Variants in MLLT10 observed in about 807,000 individuals in gnomAD.
The protein encoded by MLLT10 is MLLT10 histone lysine methyltransferase DOT1L cofactor.
A neutral mutation model predicts 129.1 loss-of-function variants in MLLT10; 30 were observed. The observed-to-expected ratio is 0.23, with a 90% CI of 0.17 to 0.32. The LOEUF is 0.32. Ranked by LOEUF, MLLT10 falls within the 10% of genes least tolerant of loss-of-function variation. The pLI is 1.00. For synonymous variants in MLLT10, 490 were observed against 446.4 expected (o/e 1.10, Z -1.23); for missense variants, 1,119 against 1,268.3 (o/e 0.88, Z 1.79).
rs1460039816 is a variant in MLLT10 at position 21,717,200 on chromosome 10, C to T, written c.1878+3250C>T. On this transcript the variant is annotated intron_variant, in intron 14 of 22. Transcript: ENST00000307729. ...CCTGGGAGGCAGAGGTTGCGGTGAGCCAAGATCACGCCATTGCGCTCCAGC... is the reference window on the plus strand; with the variant it reads ...CCTGGGAGGCAGAGGTTGCGGTGAGTCAAGATCACGCCATTGCGCTCCAGC... Among the ~76,000 whole-genome samples the T allele has an allele frequency of 6.2e-5, 8 of 128,726 alleles. No individual in the cohort carries two copies. The South Asian group carries it at 1.3e-3, about 20-fold the overall frequency. 84.4% of individuals were successfully genotyped at this position (128,726 alleles called of 152,430 possible).
intron 3 of MLLT10, among the ~76,000 whole-genome samples, chr10:21,562,325 G>GT (rs923493920): frequency 2.1e-5 from 3 of 146,006 alleles, no homozygotes; most frequent in Admixed American, 6.8e-5. Context: ...TTTTATTTTT[G>GT]TTTTTTTATT....
intron 7 of MLLT10, among the ~76,000 whole-genome samples, chr10:21,616,702 AG>A (rs2045298510): frequency 6.6e-6 from 1 of 152,088 alleles, no homozygotes; most frequent in South Asian, 2.1e-4. Context: ...TAAGATTAAA[AG>A]TCTTTTTGCT....
chr10:21,736,104 AAAT>A (rs1208644136), intron 21 of MLLT10, among the ~76,000 whole-genome samples: 2 of 152,140 alleles, frequency 1.3e-5, no homozygotes, highest in African/African-American at 4.8e-5. Context: ...CAGAATAGTG[AAAT>A]AATGATTTAC....
At chr10:21,726,885 T>G (rs903168617) in intron 15 of MLLT10, among the ~76,000 whole-genome samples, 1 of 152,130 alleles carries the variant, frequency 6.6e-6, no homozygotes, top group East Asian at 1.9e-4. Context: ...GAAATTGTAT[T>G]ACACAAACTT....
At chr10:21,711,686 A>G (rs548746267) in intron 13 of MLLT10, among the ~76,000 whole-genome samples, 1 of 152,112 alleles carries the variant, frequency 6.6e-6, no homozygotes, top group African/African-American at 2.4e-5. Flanking sequence ...TCAAGGCTGC[A>G]GTGAGCTATG....
intron 5 of MLLT10, among the ~76,000 whole-genome samples, chr10:21,608,599 G>A (rs2044292702): frequency 1.3e-5 from 2 of 151,872 alleles, no homozygotes; most frequent in Admixed American, 6.6e-5. Context: ...ATTTTCAAAT[G>A]TAGTTTCTAT....
intron 14 of MLLT10, among the ~76,000 whole-genome samples, chr10:21,714,421 A>G (rs1198792875): frequency 6.6e-6 from 1 of 152,230 alleles, no homozygotes; most frequent in Non-Finnish European, 1.5e-5. Flanking sequence ...TTTTCCTCCT[A>G]GTGGGAGAGA....
chr10:21,681,555 A>G (rs1405728005), intron 12 of MLLT10, among the ~76,000 whole-genome samples, 179 bp downstream of exon 12: 1 of 152,216 alleles, frequency 6.6e-6, no homozygotes, highest in Non-Finnish European at 1.5e-5. Flanking sequence ...TTATAGATCC[A>G]TATTACAGTC....
Position 21,534,306 on chromosome 10 carries a change from G to GCCCC in MLLT10, c.-211_-208dup, listed in dbSNP as rs1019454124. On this transcript the variant is annotated 5_prime_UTR_variant, in exon 1 of 23. Transcript: ENST00000307729. Reference sequence around the variant, plus strand: ...CCTCGCTGCCCCTGGCCCAGCGGGAGCCCCCCCTCCCCCCAGTGCGCCTGT... The same window carrying GCCCC: ...CCTCGCTGCCCCTGGCCCAGCGGGAGCCCCCCCCCCCTCCCCCCAGTGCGCCTGT... 3.8e-4 allele frequency: 125 copies of GCCCC among 333,198 alleles called. 17 individuals carry two copies. Among genetic ancestry groups the GCCCC allele is most frequent in the Non-Finnish European group, 5.2e-4 (97 of 185,046 alleles). The allele number at this position is 333,198 out of a possible 1,614,324, so 20.6% of individuals were successfully genotyped here.
chr10:21,695,878 G>A (rs2131453102), intron 13 of MLLT10, among the ~76,000 whole-genome samples: 1 of 148,834 alleles, frequency 6.7e-6, no homozygotes, highest in East Asian at 1.9e-4. Context: ...CCTATCCAGA[G>A]CATAGACCAA....
rs1006236525 is a variant in MLLT10 at position 21,742,373 on chromosome 10, A to G, written c.*390A>G. 1 of 237,770 alleles carries G rather than the reference A, an allele frequency of 4.2e-6. No individual in the cohort carries two copies. Among genetic ancestry groups the G allele is most frequent in the Non-Finnish European group, 8.2e-6 (1 of 122,006 alleles). The allele number at this position is 237,770 out of a possible 1,614,324, so 14.7% of individuals were successfully genotyped here. On this transcript the variant is annotated 3_prime_UTR_variant, in exon 23 of 23. Transcript: ENST00000307729. ...ACTTGCTCCATTTACAAACTACTTG[A>G]TTTTATTGTACAAGTTGAAATATGC...
At chr10:21,584,550 G>A (rs1277323536) in intron 3 of MLLT10, among the ~76,000 whole-genome samples, 2 of 152,096 alleles carry the variant, frequency 1.3e-5, no homozygotes, top group African/African-American at 4.8e-5. Flanking sequence ...CTGACCTCAA[G>A]TGGTCCTTCT....
At chr10:21,581,089 A>G (rs1367463788) in intron 3 of MLLT10, among the ~76,000 whole-genome samples, 1 of 139,572 alleles carries the variant, frequency 7.2e-6, no homozygotes, top group African/African-American at 2.7e-5. Context: ...TCTGTAGCCC[A>G]GGCTAGAGTG....
intron 5 of MLLT10, among the ~76,000 whole-genome samples, chr10:21,608,757 T>TA (rs2044311098): frequency 1.3e-5 from 2 of 152,266 alleles, no homozygotes; most frequent in South Asian, 4.1e-4. Context: ...TTAAGTTTGC[T>TA]AATTTTTTTC....
chr10:21,600,029 A>G (rs1389589452), intron 5 of MLLT10, among the ~76,000 whole-genome samples: 3 of 152,204 alleles, frequency 2.0e-5, no homozygotes, highest in Non-Finnish European at 2.9e-5. Flanking sequence ...TGGTTAGTCA[A>G]CTTTTTCAAC....
intron 5 of MLLT10, among the ~76,000 whole-genome samples, chr10:21,597,240 G>A (rs1047673771): frequency 2.6e-5 from 4 of 152,016 alleles, no homozygotes; most frequent in Non-Finnish European, 2.9e-5. Context: ...ACAATATGCC[G>A]TCAAAATAAG....
Position 21,673,334 on chromosome 10 carries a change from T to C in MLLT10, c.1052-16T>C. On this transcript the variant is annotated splice_polypyrimidine_tract_variant and intron_variant, in intron 10 of 22. Transcript: ENST00000307729. ...ACCCCCCAACTTTTTTTTTTTTTTTTTTTTTTAAACTACAGGCAGTTTTTC... is the reference window on the plus strand; with the variant it reads ...ACCCCCCAACTTTTTTTTTTTTTTTCTTTTTTAAACTACAGGCAGTTTTTC... 1.8e-6 allele frequency: 2 copies of C among 1,117,350 alleles called. No homozygotes were observed. The highest frequency in any genetic ancestry group is 2.3e-6 in the Non-Finnish European group (2 of 865,936). The allele number at this position is 1,117,350 out of a possible 1,614,324, so 69.2% of individuals were successfully genotyped here. A position where few individuals can be genotyped will look rare whatever the true frequency, so the allele number is the denominator to read the frequency against.
chr10:21,648,679 G>T (rs1383232920), intron 8 of MLLT10, among the ~76,000 whole-genome samples: 1 of 152,138 alleles, frequency 6.6e-6, no homozygotes, highest in Non-Finnish European at 1.5e-5. Context: ...TTATTTTGGT[G>T]TGTGTAGTTG....
At chr10:21,579,831 G>A (rs1007830460) in intron 3 of MLLT10, among the ~76,000 whole-genome samples, 1 of 151,892 alleles carries the variant, frequency 6.6e-6, no homozygotes, top group African/African-American at 2.4e-5. Flanking sequence ...CCAAAGTGCT[G>A]GGATTACAGG....
Sources: allele counts gnomAD v4.1 joint callset (sites outside exome capture counted in the v4.1 genomes callset), GRCh38; gene constraint gnomAD v4.1.1; transcripts MANE v1.5; gene names NCBI Gene and HGNC (gene_info 2026-07-23, HGNC 2026-07-21).